Variants in UBE4B observed in about 807,000 individuals in gnomAD.
UBE4B encodes ubiquitin conjugation factor E4 B.
A neutral mutation model predicts 148.1 loss-of-function variants in UBE4B; 27 were observed. The observed-to-expected ratio is 0.18, with a 90% CI of 0.13 to 0.25. The LOEUF is 0.25. UBE4B is among the 10% of genes least tolerant of loss of function. The pLI, the probability that UBE4B is intolerant of heterozygous loss-of-function variation, is 1.00. For missense variants in UBE4B, 1,170 were observed against 1,662.4 expected (o/e 0.70, Z 5.15); for synonymous variants, 596 against 619.3 (o/e 0.96, Z 0.56).
intron 16 of UBE4B, 50 bp downstream of exon 16, chr1:10,135,236 G>A (rs1557585597): frequency 2.0e-6 from 3 of 1,534,450 alleles, no homozygotes; most frequent in Non-Finnish European, 1.8e-6. Flanking sequence ...CCTCTTGTCT[G>A]TGTGCTAGTA....
intron 7 of UBE4B, among the ~76,000 whole-genome samples, chr1:10,109,187 A>G (rs1645172947): frequency 6.6e-6 from 1 of 151,654 alleles, no homozygotes; most frequent in Non-Finnish European, 1.5e-5. Context: ...GCCTGCTGTG[A>G]GGAAGTGGCA....
intron 5 of UBE4B, among the ~76,000 whole-genome samples, chr1:10,104,829 A>T (rs1475704734): frequency 6.6e-6 from 1 of 152,202 alleles, no homozygotes; most frequent in Non-Finnish European, 1.5e-5. Flanking sequence ...TTAAGTGGCA[A>T]CTCTGTCTTA....
chr1:10,158,515 T>C (rs1646109508), intron 22 of UBE4B, 33 bp downstream of exon 22: 2 of 1,603,066 alleles, frequency 1.2e-6, no homozygotes, highest in African/African-American at 1.3e-5. Context: ...CACAACTTGC[T>C]TTCTTGCAAA....
At chr1:10,091,376 C>T (rs1021693530) in intron 2 of UBE4B, among the ~76,000 whole-genome samples, 4 of 151,814 alleles carry the variant, frequency 2.6e-5, no homozygotes, top group Admixed American at 6.6e-5. Context: ...TGTTTTTAGT[C>T]GCAATATTTA....
intron 8 of UBE4B, among the ~76,000 whole-genome samples, chr1:10,118,526 C>T (rs919336215): frequency 2.0e-5 from 3 of 148,694 alleles, no homozygotes; most frequent in African/African-American, 7.5e-5. Flanking sequence ...TCTTTTGAGA[C>T]GGAGTTTCAC....
At position 10,179,348 on chromosome 1, in the gene UBE4B, G is replaced by A. The variant is rs537530937; in HGVS notation, c.3701-68G>A. On this transcript the variant is annotated intron_variant, in intron 26 of 27. Coordinates refer to ENST00000343090, the MANE Select transcript of UBE4B (RefSeq NM_001105562.3). ...TGGATAGATTTTTCGCTGGTAGAAC[G>A]GGCTTTGTTTTCTTTTTCAGTCGTG... is the stretch of plus-strand genomic sequence containing the variant. The A allele has an allele frequency of 3.7e-5, 58 of 1,573,962 alleles. No homozygotes were observed. The South Asian group carries it at 5.8e-4, about 16-fold the overall frequency.
chr1:10,135,525 T>C (rs1335250871), intron 16 of UBE4B, among the ~76,000 whole-genome samples: 1 of 151,622 alleles, frequency 6.6e-6, no homozygotes, highest in African/African-American at 2.4e-5. Flanking sequence ...GATCAAAAGG[T>C]CCGGAGTTCA....
At chr1:10,107,253 C>T (rs901411109) in intron 7 of UBE4B, 3 of 1,289,542 alleles carry the variant, frequency 2.3e-6, no homozygotes, top group African/African-American at 1.5e-5. Context: ...CTTCCTCTTC[C>T]TCGCACTTTC....
At chr1:10,136,654 T>A (rs1389044352) in intron 16 of UBE4B, among the ~76,000 whole-genome samples, 1 of 152,082 alleles carries the variant, frequency 6.6e-6, no homozygotes, top group Non-Finnish European at 1.5e-5. Context: ...GCATGGTGGC[T>A]CACGCCTGTA....
chr1:10,057,252 G>A (rs529280963), intron 1 of UBE4B, among the ~76,000 whole-genome samples: 52 of 151,848 alleles, frequency 3.4e-4, no homozygotes, highest in Non-Finnish European at 6.0e-4. Context: ...CGTGTTTAAC[G>A]TTCTTCATGT....
intron 1 of UBE4B, among the ~76,000 whole-genome samples, chr1:10,038,227 C>T (rs1643616203): frequency 6.6e-6 from 1 of 151,100 alleles, no homozygotes; most frequent in Non-Finnish European, 1.5e-5. Context: ...TTGCAGTGGG[C>T]CGAGATCACA....
intron 2 of UBE4B, among the ~76,000 whole-genome samples, chr1:10,080,142 C>G (rs1404145282): frequency 1.3e-5 from 2 of 152,092 alleles, no homozygotes; most frequent in Non-Finnish European, 2.9e-5. Flanking sequence ...ATTCTACTGG[C>G]TGGGTGTGGT....
intron 1 of UBE4B, chr1:10,058,932 A>G (rs1644230005): frequency 6.6e-6 from 1 of 152,282 alleles, no homozygotes; most frequent in African/African-American, 2.4e-5. Context: ...GCTGTTGTCA[A>G]GAACCATGAG....
At position 10,049,578 on chromosome 1, in the gene UBE4B, C is replaced by CT. The variant is rs560098563; in HGVS notation, c.24+15885dup. Among the ~76,000 whole-genome samples, 222 of 140,570 alleles carry CT rather than the reference C, an allele frequency of 1.6e-3. 1 individual carries two copies. Among genetic ancestry groups the CT allele is most frequent in the African/African-American group, 5.3e-3 (185 of 34,672 alleles). 92.2% of individuals were successfully genotyped at this position (140,570 alleles called of 152,430 possible). A position where few individuals can be genotyped will look rare whatever the true frequency, so the allele number is the denominator to read the frequency against. ...TGGGCAATATCATAAGACCTTTTCT[C>CT]TAAAAAAAAAAAAAATTTTTTTAAA... On this transcript the variant is annotated intron_variant, in intron 1 of 27. Coordinates refer to ENST00000343090, the MANE Select transcript of UBE4B (RefSeq NM_001105562.3).
intron 9 of UBE4B, among the ~76,000 whole-genome samples, chr1:10,120,530 A>C (rs1030082656): frequency 1.3e-5 from 2 of 152,100 alleles, no homozygotes; most frequent in African/African-American, 2.4e-5. Flanking sequence ...AAAAATAAAA[A>C]TTAATAAAAT....
intron 14 of UBE4B, among the ~76,000 whole-genome samples, chr1:10,131,378 G>A (rs368921206): frequency 7.2e-5 from 11 of 152,140 alleles, no homozygotes; most frequent in East Asian, 5.8e-4. Context: ...CTAGCTACTC[G>A]GGAGGCTGAG....
At chr1:10,078,014 GT>G (rs760664556) in intron 2 of UBE4B, among the ~76,000 whole-genome samples, 66 of 144,970 alleles carry the variant, frequency 4.6e-4, no homozygotes, top group South Asian at 8.8e-4. Flanking sequence ...GATTATGCTA[GT>G]TTTTTTTTTT....
intron 15 of UBE4B, among the ~76,000 whole-genome samples, chr1:10,134,437 G>A (rs185205044): frequency 4.6e-5 from 7 of 152,194 alleles, no homozygotes; most frequent in Admixed American, 6.5e-5. Flanking sequence ...ACTTGAACCC[G>A]GGAGGCGGAG....
At position 10,147,037 on chromosome 1, in the gene UBE4B, T is replaced by G. The variant is rs1645884476; in HGVS notation, c.2538T>G (p.Phe846Leu). 1 of 1,614,040 alleles carries G rather than the reference T, an allele frequency of 6.2e-7. No homozygotes were observed. Among genetic ancestry groups the G allele is most frequent in the African/African-American group, 1.3e-5 (1 of 74,916 alleles). The change falls in exon 19 of 28, where the codon TTT (phenylalanine) becomes TTG (leucine). Residue 846 changes from phenylalanine (F) to leucine (L), a missense_variant. Phe to Leu is a conservative substitution (Grantham distance 22). This residue lies in a region of UBE4B where 348 missense variants were observed against 627.2 expected (regional missense o/e 0.55). Transcript: ENST00000343090. ...DESFLRRCLN[F>L]YGLLIQLLLR... Reference sequence around the variant, plus strand: ...GCTTCCTGAGAAGATGTCTGAATTTTTATGGCCTTCTCATTCAGCTGCTGC... The same window carrying G: ...GCTTCCTGAGAAGATGTCTGAATTTGTATGGCCTTCTCATTCAGCTGCTGC...
Sources: allele counts gnomAD v4.1 joint callset (sites outside exome capture counted in the v4.1 genomes callset), GRCh38; gene constraint gnomAD v4.1.1; regional missense constraint gnomAD v4.1.1; transcripts MANE v1.5; gene names NCBI Gene and HGNC (gene_info 2026-07-23, HGNC 2026-07-21).